The following MIIP variants were observed in gnomAD, a reference collection of about 807,000 sequenced individuals.
The protein encoded by MIIP is migration and invasion-inhibitory protein.
In MIIP, 44 loss-of-function variants were observed where a neutral mutation model predicts 44.8. The observed-to-expected ratio is 0.98, with a 90% CI of 0.77 to 1.26. The LOEUF (loss-of-function observed/expected upper bound fraction) is 1.26, where lower values mean the gene tolerates loss of function less well. Ranked by LOEUF, MIIP falls within the 50% of genes most tolerant of loss-of-function variation. The pLI is 0.00. For synonymous variants in MIIP, 225 were observed against 218.3 expected (o/e 1.03, Z -0.27); for missense variants, 496 against 511.7 (o/e 0.97, Z 0.30).
At chr1:12,021,917 C>A in intron 2 of MIIP, 77 bp downstream of exon 2, 1 of 1,332,248 alleles carries the variant, frequency 7.5e-7, no homozygotes, top group Non-Finnish European at 1.0e-6. Context: ...CTGGGCTCAT[C>A]TTGTTCAATA....
intron 8 of MIIP, 88 bp downstream of exon 8, chr1:12,030,212 TG>T (rs1366630306): frequency 7.7e-7 from 1 of 1,303,758 alleles, no homozygotes; most frequent in Non-Finnish European, 1.1e-6. Flanking sequence ...AGAGCGAGAC[TG>T]GGCTCGACAA....
chr1:12,031,547 G>A, intron 9 of MIIP, 144 bp downstream of exon 9: 3 of 1,576,238 alleles, frequency 1.9e-6, no homozygotes, highest in Non-Finnish European at 1.7e-6. Flanking sequence ...GCAGGGTCCA[G>A]CCCTCCAGCC....
chr1:12,031,780 G>C lies in MIIP; in HGVS notation c.1139G>C (p.Arg380Pro), dbSNP rs143726942. 16 of 1,613,874 alleles carry C rather than the reference G, an allele frequency of 9.9e-6. No individual in the cohort carries two copies. The highest frequency in any genetic ancestry group is 1.4e-5 in the Non-Finnish European group (16 of 1,179,918). ...ACCTGGTCAGTGCCCCAGGTCCCTC[G>C]GCCCCACGTCCCACGGCAGAAGCCC... ...TPTWSVPQVP[R>P]PHVPRQKP The change falls in exon 10 of 10, where the codon CGG becomes CCG. Residue 380 changes from arginine to proline, a missense_variant. Arg to Pro is a moderately radical substitution (Grantham distance 103). Transcript: ENST00000235332.
chr1:12,029,342 C>T (rs777324428), intron 6 of MIIP, 61 bp downstream of exon 6: 6 of 1,531,192 alleles, frequency 3.9e-6, no homozygotes, highest in Non-Finnish European at 5.3e-6. Flanking sequence ...CCTGGCCTCC[C>T]CTGCCCCAGA....
At position 12,029,012 on chromosome 1, in the gene MIIP, C is replaced by T. The variant is rs377403082; in HGVS notation, c.548-21C>T. Reference sequence around the variant, plus strand: ...CCCCAGCCCCTCTCCCGTCAGCTGCCTGGTGCTTTGCCCACACCAGGGTCT... The same window carrying T: ...CCCCAGCCCCTCTCCCGTCAGCTGCTTGGTGCTTTGCCCACACCAGGGTCT... On this transcript the variant is annotated intron_variant, in intron 4 of 9. Transcript: ENST00000235332. 6 of 1,599,970 alleles carry T rather than the reference C, an allele frequency of 3.8e-6. No individual in the cohort carries two copies. In the African/African-American group the frequency reaches 5.4e-5, roughly 14 times the overall value.
chr1:12,029,449 T>C (rs770119066), intron 6 of MIIP, 168 bp downstream of exon 6: 4 of 815,032 alleles, frequency 4.9e-6, no homozygotes, highest in Non-Finnish European at 5.7e-6. Context: ...CAAGCCCTGG[T>C]AGGGGTGGAG....
chr1:12,031,550 C>G (rs1640242979), intron 9 of MIIP, 147 bp downstream of exon 9: 3 of 1,580,592 alleles, frequency 1.9e-6, no homozygotes, highest in Non-Finnish European at 2.6e-6. Context: ...GGGTCCAGCC[C>G]TCCAGCCCTG....
chr1:12,022,928 C>CT lies in MIIP; in HGVS notation c.547+12dup, dbSNP rs138989678. The stretch of plus-strand genomic sequence containing the variant: ...ATGACTGGATTGCAGGTAAGGCGTG[C>CT]TGTTGCCCTGCACACACTTTGCCTG... On this transcript the variant is annotated intron_variant, in intron 4 of 9. Coordinates refer to ENST00000235332, the MANE Select transcript of MIIP (RefSeq NM_021933.4). 1.4e-3 allele frequency: 2,232 copies of CT among 1,599,582 alleles called. 47 individuals carry two copies. In the East Asian group the frequency reaches 0.035, roughly 25 times the overall value.
Position 12,022,859 on chromosome 1 carries a change from T to C in MIIP, c.489T>C (p.Ser163=), listed in dbSNP as rs756607692. The C allele has an allele frequency of 1.9e-6, 3 of 1,608,972 alleles. No individual in the cohort carries two copies. Among genetic ancestry groups the C allele is most frequent in the East Asian group, 4.5e-5 (2 of 44,742 alleles). The change falls in exon 4 of 10, where the codon TCT becomes TCC. Residue 163 remains serine, a synonymous_variant. Coordinates refer to ENST00000235332, the MANE Select transcript of MIIP (RefSeq NM_021933.4). Reference sequence around the variant, plus strand: ...CCAGGGTGACCTTCTCTGAGGAGTCTGCAGTTCCTAAGAGGAGCTGGCGCC... The same window carrying C: ...CCAGGGTGACCTTCTCTGAGGAGTCCGCAGTTCCTAAGAGGAGCTGGCGCC... ...SKPRVTFSEE[S]AVPKRSWRLR...
At chr1:12,028,235 C>T (rs761437174) in intron 4 of MIIP, among the ~76,000 whole-genome samples, 36 of 152,054 alleles carry the variant, frequency 2.4e-4, no homozygotes, top group Non-Finnish European at 4.6e-4. Flanking sequence ...CATCCTAAGT[C>T]GAATCATGGT....
Position 12,030,015 on chromosome 1 carries a change from C to A in MIIP, c.846-13C>A. On this transcript the variant is annotated splice_polypyrimidine_tract_variant and intron_variant, in intron 7 of 9. Transcript: ENST00000235332. The stretch of plus-strand genomic sequence containing the variant: ...GAGGCTCCTCAGGGGTCCCCCACTG[C>A]CCCCCTGCGCAGGGTGAGCATCCCG... 1.9e-6 allele frequency: 3 copies of A among 1,610,714 alleles called. No homozygotes were observed. Among genetic ancestry groups the A allele is most frequent in the East Asian group, 2.2e-5 (1 of 44,850 alleles).
At chr1:12,027,006 C>CTTTTTTT (rs752323245) in intron 4 of MIIP, among the ~76,000 whole-genome samples, 60 of 129,440 alleles carry the variant, frequency 4.6e-4, no homozygotes, top group East Asian at 6.6e-4. Context: ...TTTTCTTTTT[C>CTTTTTTT]TTTTTTTTTT....
At chr1:12,028,197 A>AT (rs1378693647) in intron 4 of MIIP, among the ~76,000 whole-genome samples, 1 of 152,142 alleles carries the variant, frequency 6.6e-6, no homozygotes, top group Non-Finnish European at 1.5e-5. Context: ...ACACGGTGAG[A>AT]TTCTGTCTCA....
At chr1:12,024,789 C>T (rs1640065755) in intron 4 of MIIP, among the ~76,000 whole-genome samples, 1 of 152,186 alleles carries the variant, frequency 6.6e-6, no homozygotes, top group African/African-American at 2.4e-5. Flanking sequence ...CTACCATCCA[C>T]CTCCAGAACT....
chr1:12,025,228 T>G (rs1209039502), intron 4 of MIIP, among the ~76,000 whole-genome samples: 1 of 151,684 alleles, frequency 6.6e-6, no homozygotes, highest in Non-Finnish European at 1.5e-5. Flanking sequence ...CCCAGCTAAT[T>G]TTTGCATTTT....
intron 1 of MIIP, among the ~76,000 whole-genome samples, chr1:12,019,871 C>T (rs1639932678): frequency 6.6e-6 from 1 of 152,258 alleles, no homozygotes; most frequent in Non-Finnish European, 1.5e-5. Flanking sequence ...GGGGTGTGGC[C>T]CAGAGCCACT....
At chr1:12,022,999 C>G (rs1161055731) in intron 4 of MIIP, 82 bp downstream of exon 4, 2 of 1,116,526 alleles carry the variant, frequency 1.8e-6, no homozygotes, top group Admixed American at 4.0e-5. Context: ...CCTGTCTGAG[C>G]CTCCACCCGG....
rs192310087 is a variant in MIIP, at chr1:12,025,024, C to T, written c.547+2107C>T. On this transcript the variant is annotated intron_variant, in intron 4 of 9. Coordinates refer to ENST00000235332, the MANE Select transcript of MIIP (RefSeq NM_021933.4). ...ATGTTGTACTGTGTGTCAGAATTCCCTTCCTTTTTTTTTTTGTTTTTTGTT... is the reference window on the plus strand; with the variant it reads ...ATGTTGTACTGTGTGTCAGAATTCCTTTCCTTTTTTTTTTTGTTTTTTGTT... Among the ~76,000 whole-genome samples the T allele has an allele frequency of 5.4e-3, 641 of 119,348 alleles. 5 individuals are homozygous for T. The highest frequency in any genetic ancestry group is 0.022 in the African/African-American group (611 of 28,088). The allele number at this position is 119,348 out of a possible 152,430, so 78.3% of individuals were successfully genotyped here. A position where few individuals can be genotyped will look rare whatever the true frequency, so the allele number is the denominator to read the frequency against.
intron 8 of MIIP, chr1:12,031,023 C>T: frequency 1.9e-6 from 1 of 520,388 alleles, no homozygotes; most frequent in Non-Finnish European, 3.5e-6. Context: ...CAGGAAGTAC[C>T]CTGTGAATGT....
Sources: allele counts gnomAD v4.1 joint callset (sites outside exome capture counted in the v4.1 genomes callset), GRCh38; gene constraint gnomAD v4.1.1; transcripts MANE v1.5; gene names NCBI Gene and HGNC (gene_info 2026-07-23, HGNC 2026-07-21).